The following PAX5 variants were observed in gnomAD, a reference collection of about 807,000 sequenced individuals.
PAX5 encodes paired box 5.
In PAX5, 9 loss-of-function variants were observed where a neutral mutation model predicts 43.7. The ratio of observed to expected loss-of-function variants is 0.21; its 90% confidence interval spans 0.12 to 0.36. PAX5 has a LOEUF of 0.36. Among genes scored for constraint, PAX5 ranks in the 10% least tolerant of loss-of-function variants. The pLI is 1.00. For synonymous variants in PAX5, 228 were observed against 214.3 expected (o/e 1.06, Z -0.56); for missense variants, 383 against 532.7 (o/e 0.72, Z 2.77).
At chr9:36,988,520 G>T (rs1259165363) in intron 5 of PAX5, among the ~76,000 whole-genome samples, 1 of 151,906 alleles carries the variant, frequency 6.6e-6, no homozygotes, top group Non-Finnish European at 1.5e-5. Flanking sequence ...AAAAATAGCC[G>T]GGTGTGGTGG....
intron 3 of PAX5, among the ~76,000 whole-genome samples, chr9:37,007,049 A>C (rs771443883): frequency 6.6e-6 from 1 of 152,180 alleles, no homozygotes; most frequent in Non-Finnish European, 1.5e-5. Flanking sequence ...CCCTTCCCCT[A>C]GGAAGTTGCC....
At chr9:36,877,296 C>T (rs1349593511) in intron 8 of PAX5, among the ~76,000 whole-genome samples, 2 of 152,230 alleles carry the variant, frequency 1.3e-5, no homozygotes, top group African/African-American at 4.8e-5. Flanking sequence ...GATCGCACCA[C>T]TGCACTCCAG....
At position 36,834,605 on chromosome 9, in the gene PAX5, A is replaced by G. The variant is rs1821513758; in HGVS notation, c.*5955T>C. The G allele has an allele frequency of 1.3e-5, 3 of 233,268 alleles. No homozygotes were observed. Among genetic ancestry groups the G allele is most frequent in the African/African-American group, 4.4e-5 (2 of 45,450 alleles). The allele number at this position is 233,268 out of a possible 1,614,324, so 14.4% of individuals were successfully genotyped here. ...GATTGGTTGGAATGTTCAACTCTCC[A>G]TTTCCTCAAATACAATAAAATAGTT... On this transcript the variant is annotated 3_prime_UTR_variant, in exon 10 of 10. Coordinates refer to ENST00000358127, the MANE Select transcript of PAX5 (RefSeq NM_016734.3).
chr9:36,907,735 AG>A (rs1316702817), intron 7 of PAX5, among the ~76,000 whole-genome samples: 1 of 152,328 alleles, frequency 6.6e-6, no homozygotes, highest in South Asian at 2.1e-4. Flanking sequence ...ACCCATTTAT[AG>A]GAAATAAACT....
intron 5 of PAX5, among the ~76,000 whole-genome samples, chr9:36,980,548 T>C (rs1835823980): frequency 6.6e-6 from 1 of 152,090 alleles, no homozygotes; most frequent in Admixed American, 6.5e-5. Context: ...TTCCCCAGTC[T>C]CTGTTCCAGT....
At position 37,034,233 on chromosome 9, in the gene PAX5, A is replaced by G; in HGVS notation, c.-202T>C. The G allele has an allele frequency of 1.7e-6, 1 of 571,904 alleles. No individual in the cohort carries two copies. The highest frequency in any genetic ancestry group is 2.9e-5 in the East Asian group (1 of 34,112). 35.4% of individuals were successfully genotyped at this position (571,904 alleles called of 1,614,324 possible). A position where few individuals can be genotyped will look rare whatever the true frequency, so the allele number is the denominator to read the frequency against. ...AAACTAAACGTTTTAGGTGGAAAAA[A>G]AGCGTCCGAAGGCACCGTGAAATGA... On this transcript the variant is annotated 5_prime_UTR_variant, in exon 1 of 10. Transcript: ENST00000358127.
chr9:36,842,506 T>C (rs1822155324), intron 9 of PAX5, among the ~76,000 whole-genome samples: 1 of 152,126 alleles, frequency 6.6e-6, no homozygotes, highest in South Asian at 2.1e-4. Context: ...GGCTAGACCC[T>C]CCAGCGGGCC....
chr9:36,925,673 A>G (rs1050624595), intron 6 of PAX5, among the ~76,000 whole-genome samples: 1 of 152,216 alleles, frequency 6.6e-6, no homozygotes, highest in Non-Finnish European at 1.5e-5. Context: ...TAGAGACCTA[A>G]ATGTGGAAGG....
At chr9:36,935,967 G>A (rs1172135616) in intron 6 of PAX5, among the ~76,000 whole-genome samples, 2 of 152,312 alleles carry the variant, frequency 1.3e-5, no homozygotes, top group Non-Finnish European at 2.9e-5. Context: ...GGACTGGGGC[G>A]TATGATGCTT....
intron 6 of PAX5, 105 bp from the exon 7 acceptor site, chr9:36,923,589 C>T (rs2131970239): frequency 1.5e-6 from 2 of 1,379,212 alleles, no homozygotes; most frequent in Admixed American, 2.1e-5. Flanking sequence ...TTAGTCCATG[C>T]CTGTGCCAAG....
At chr9:36,996,872 G>A (rs1837437065) in intron 5 of PAX5, among the ~76,000 whole-genome samples, 1 of 152,188 alleles carries the variant, frequency 6.6e-6, no homozygotes, top group African/African-American at 2.4e-5. Context: ...GTGAATGAGT[G>A]TGAGAGAAAG....
chr9:36,955,780 A>AT lies in PAX5; in HGVS notation c.780+10768_780+10769insA, dbSNP rs1043722742. 2.1e-3 allele frequency among the ~76,000 whole-genome samples: 173 copies of AT among 82,970 alleles called. 2 individuals carry two copies. The highest frequency in any genetic ancestry group is 5.6e-3 in the African/African-American group (159 of 28,576). 54.4% of individuals were successfully genotyped at this position (82,970 alleles called of 152,430 possible). On this transcript the variant is annotated intron_variant, in intron 6 of 9. Coordinates refer to ENST00000358127, the MANE Select transcript of PAX5 (RefSeq NM_016734.3). Reference sequence around the variant, plus strand: ...TCCCTCTTTTTGTTTCAAAAAAAAAAAAATATATATATATATATATATACC... The same window carrying AT: ...TCCCTCTTTTTGTTTCAAAAAAAAAATAAATATATATATATATATATATACC...
At chr9:37,032,292 CG>C (rs1841060137) in intron 1 of PAX5, among the ~76,000 whole-genome samples, 1 of 152,154 alleles carries the variant, frequency 6.6e-6, no homozygotes, top group African/African-American at 2.4e-5. Flanking sequence ...CACAGCTTGT[CG>C]GGAGAGCCAG....
chr9:36,927,647 G>A (rs75700935), intron 6 of PAX5, among the ~76,000 whole-genome samples: 11,139 of 152,028 alleles, frequency 0.073, 505 homozygotes, highest in East Asian at 0.11. Context: ...CCTGGGGGAC[G>A]GCGGGACACT....
intron 6 of PAX5, among the ~76,000 whole-genome samples, chr9:36,966,326 G>A (rs372745294): frequency 5.9e-5 from 9 of 152,218 alleles, no homozygotes; most frequent in Admixed American, 5.2e-4. Flanking sequence ...GCTGGCCAGC[G>A]ACAGAGGCAC....
intron 6 of PAX5, among the ~76,000 whole-genome samples, chr9:36,929,218 A>T (rs1830908246): frequency 6.6e-6 from 1 of 151,206 alleles, no homozygotes; most frequent in African/African-American, 2.4e-5. Context: ...GAAGGAAGGA[A>T]GGAAGAAGGA....
chr9:36,842,869 C>A (rs1587725358), intron 9 of PAX5, among the ~76,000 whole-genome samples: 1 of 152,256 alleles, frequency 6.6e-6, no homozygotes. Flanking sequence ...AGTCAAAGTG[C>A]CCCAGTCCTT....
intron 8 of PAX5, chr9:36,864,291 TC>T (rs141426259): frequency 0.015 from 2,303 of 154,560 alleles, 56 homozygotes; most frequent in African/African-American, 0.052. Context: ...AGGTGCCAAG[TC>T]CTGGTCCATG....
At chr9:36,928,351 C>T (rs764487484) in intron 6 of PAX5, among the ~76,000 whole-genome samples, 6 of 152,194 alleles carry the variant, frequency 3.9e-5, no homozygotes, top group Non-Finnish European at 7.3e-5. Flanking sequence ...AGACCCAGTT[C>T]ACATGTCACC....
Sources: allele counts gnomAD v4.1 joint callset (sites outside exome capture counted in the v4.1 genomes callset), GRCh38; gene constraint gnomAD v4.1.1; transcripts MANE v1.5; gene names NCBI Gene and HGNC (gene_info 2026-07-23, HGNC 2026-07-21).